Variants in MTUS1 observed in about 807,000 individuals in gnomAD.
MTUS1 encodes microtubule associated scaffold protein 1.
MTUS1 carries 109 observed loss-of-function variants against 120.8 expected under a neutral mutation model. The ratio of observed to expected loss-of-function variants is 0.90; its 90% CI spans 0.77 to 1.06. The LOEUF (loss-of-function observed/expected upper bound fraction) is 1.06. MTUS1 is among the 50% of genes least tolerant of loss of function. The pLI, the probability that MTUS1 is intolerant of heterozygous loss-of-function variation, is 0.00. For synonymous variants in MTUS1, 737 were observed against 550.5 expected, an observed-to-expected ratio of 1.34 and a Z score of -4.74; for missense variants, 2,210 against 1,486.3, an observed-to-expected ratio of 1.49 and a Z score of -8.01.
chr8:17,740,717 C>T (rs981213835), intron 3 of MTUS1, among the ~76,000 whole-genome samples: 2 of 152,194 alleles, frequency 1.3e-5, no homozygotes, highest in African/African-American at 4.8e-5. Context: ...GCTTAAACAA[C>T]AGAAATTTGT....
chr8:17,675,208 A>G lies in MTUS1; in HGVS notation c.2883T>C (p.Leu961=). Residue 961 remains leucine (L), a synonymous_variant, in exon 8 of 15, where the codon CTT becomes CTC. Coordinates refer to ENST00000693296, the MANE Select transcript of MTUS1 (RefSeq NM_001363059.2). The part of the protein sequence containing the change: ...LKQHKTLSQE[L]VNLRGELVTA... ...TACCTAGCTCTCCCCGGAGGTTAAC[A>G]AGTTCTTGAGATAGGGTTTTGTGTT... The G allele has an allele frequency of 1.2e-6, 2 of 1,614,072 alleles. No individual in the cohort carries two copies. The highest frequency in any genetic ancestry group is 1.7e-6 in the Non-Finnish European group (2 of 1,180,002).
chr8:17,778,887 G>A (rs149915368), intron 1 of MTUS1, among the ~76,000 whole-genome samples: 1 of 152,304 alleles, frequency 6.6e-6, no homozygotes, highest in African/African-American at 2.4e-5. Context: ...CCTGTAAGGT[G>A]TCTGTTTTAT....
At chr8:17,756,693 T>G (rs1414846644) in intron 1 of MTUS1, among the ~76,000 whole-genome samples, 1 of 106,664 alleles carries the variant, frequency 9.4e-6, no homozygotes, top group Non-Finnish European at 1.9e-5. Context: ...TATGTAACTA[T>G]GTTGGAGACA....
intron 6 of MTUS1, among the ~76,000 whole-genome samples, chr8:17,694,739 G>GA (rs751572966): frequency 6.6e-6 from 1 of 152,102 alleles, no homozygotes; most frequent in Non-Finnish European, 1.5e-5. Context: ...GTCATGAAAA[G>GA]AAACAGATAA....
chr8:17,740,828 C>T (rs1297802365), intron 3 of MTUS1, among the ~76,000 whole-genome samples: 1 of 152,156 alleles, frequency 6.6e-6, no homozygotes, highest in Non-Finnish European at 1.5e-5. Flanking sequence ...GCCACATTCT[C>T]ATTCTACCTC....
intron 6 of MTUS1, among the ~76,000 whole-genome samples, chr8:17,699,744 C>G (rs556588959): frequency 6.6e-6 from 1 of 152,194 alleles, no homozygotes; most frequent in Non-Finnish European, 1.5e-5. Context: ...TCCTGGTGGC[C>G]GTGCAGCACA....
chr8:17,706,494 T>C (rs1820188142), intron 6 of MTUS1, among the ~76,000 whole-genome samples: 1 of 152,238 alleles, frequency 6.6e-6, no homozygotes, highest in Non-Finnish European at 1.5e-5. Flanking sequence ...TGATGTAACA[T>C]TTTAAACTAT....
At chr8:17,675,698 G>A (rs1387511605) in intron 7 of MTUS1, among the ~76,000 whole-genome samples, 4 of 152,116 alleles carry the variant, frequency 2.6e-5, no homozygotes, top group East Asian at 1.9e-4. Flanking sequence ...AAAAAGTTTC[G>A]TTACAATGCC....
intron 6 of MTUS1, among the ~76,000 whole-genome samples, chr8:17,696,990 G>A (rs142417831): frequency 0.012 from 1,829 of 152,298 alleles, 13 homozygotes; most frequent in Middle Eastern, 0.02. Context: ...ACATTTGGCT[G>A]GTGATGGAGA....
chr8:17,786,307 G>A (rs1010040150), intron 1 of MTUS1, among the ~76,000 whole-genome samples: 2 of 152,234 alleles, frequency 1.3e-5, no homozygotes, highest in East Asian at 3.9e-4. Flanking sequence ...AGAGAGGTCT[G>A]GAAGGCAGTG....
intron 3 of MTUS1, among the ~76,000 whole-genome samples, chr8:17,743,238 T>C (rs1178470511): frequency 6.6e-6 from 1 of 152,132 alleles, no homozygotes; most frequent in African/African-American, 2.4e-5. Context: ...TCTCTTCACA[T>C]GTATTGAGGG....
intron 6 of MTUS1, chr8:17,704,237 G>A (rs759205779): frequency 6.6e-6 from 1 of 151,996 alleles, no homozygotes; most frequent in Non-Finnish European, 1.5e-5. Context: ...CTATCTCATA[G>A]GCTGCCTTTT....
intron 3 of MTUS1, among the ~76,000 whole-genome samples, chr8:17,742,302 T>G (rs1177882420): frequency 6.9e-6 from 1 of 145,022 alleles, no homozygotes; most frequent in Non-Finnish European, 1.5e-5. Flanking sequence ...TTTTTTTTTT[T>G]TTTTTTTTTA....
intron 3 of MTUS1, among the ~76,000 whole-genome samples, chr8:17,728,074 A>G (rs1402717289): frequency 6.6e-6 from 1 of 152,218 alleles, no homozygotes; most frequent in Non-Finnish European, 1.5e-5. Flanking sequence ...GAACAACAGG[A>G]TAGTGTTAAT....
At chr8:17,677,348 A>G (rs1013848210) in intron 7 of MTUS1, among the ~76,000 whole-genome samples, 1 of 152,226 alleles carries the variant, frequency 6.6e-6, no homozygotes, top group Non-Finnish European at 1.5e-5. Flanking sequence ...CAGCTTTACT[A>G]AATGCCCACA....
intron 1 of MTUS1, among the ~76,000 whole-genome samples, chr8:17,783,727 T>C (rs919850331): frequency 6.6e-6 from 1 of 152,110 alleles, no homozygotes; most frequent in African/African-American, 2.4e-5. Context: ...ATCACTGGTA[T>C]CTGAAGCTCA....
chr8:17,655,997 A>T lies in MTUS1; in HGVS notation c.2974T>A (p.Phe992Ile). The T allele has an allele frequency of 6.2e-7, 1 of 1,614,240 alleles. No homozygotes were observed. The highest frequency in any genetic ancestry group is 1.1e-5 in the South Asian group (1 of 91,084). ...RNELQTVYEA[F>I]VQQHQAEKTE... ...TTTTCAGCCTGGTGCTGCTGGACGA[A>T]TGCTTCATACACTGTTTGTAACTCA... The change falls in exon 9 of 15, where the codon TTC becomes ATC. Residue 992 changes from phenylalanine to isoleucine, a missense_variant. Phe to Ile is a conservative substitution (Grantham distance 21, BLOSUM62 0). Transcript: ENST00000693296.
At chr8:17,743,867 G>T in intron 2 of MTUS1, 68 bp from the exon 3 acceptor site, 1 of 1,384,078 alleles carries the variant, frequency 7.2e-7, no homozygotes, top group Non-Finnish European at 1.0e-6. Flanking sequence ...GACTGAATGG[G>T]CCCCTCCTCT....
intron 6 of MTUS1, among the ~76,000 whole-genome samples, chr8:17,686,307 T>C (rs374468860): frequency 6.6e-6 from 1 of 152,214 alleles, no homozygotes; most frequent in African/African-American, 2.4e-5. Context: ...ATGACATACA[T>C]AAAAATAAAT....
Sources: allele counts gnomAD v4.1 joint callset (sites outside exome capture counted in the v4.1 genomes callset), GRCh38; gene constraint gnomAD v4.1.1; transcripts MANE v1.5; gene names NCBI Gene and HGNC (gene_info 2026-07-23, HGNC 2026-07-21).